The following PERM1 variants were observed in gnomAD, a reference collection of about 807,000 sequenced individuals.
PERM1 encodes the protein PGC-1 and ERR-induced regulator in muscle protein 1.
Under a neutral mutation model 44.1 loss-of-function variants are expected in PERM1, and 45 were observed. The observed-to-expected ratio is 1.02, with a 90% CI of 0.80 to 1.31. The LOEUF (loss-of-function observed/expected upper bound fraction) is 1.31. PERM1 is among the 50% of genes most tolerant of loss of function. The pLI is 0.00. For synonymous variants in PERM1, 565 were observed against 477.1 expected, an observed-to-expected ratio of 1.18 and a Z score of -2.40; for missense variants, 1,189 against 1,106.9, an observed-to-expected ratio of 1.07 and a Z score of -1.05.
exon 1 of PERM1, chr1:980,532 G>A (rs948034309): frequency 4.1e-6 from 6 of 1,471,620 alleles, no homozygotes; most frequent in Non-Finnish European, 5.4e-6. Flanking sequence ...GGGGCCTCTG[G>A]GAGCCAGTGC....
intron 1 of PERM1, among the ~76,000 whole-genome samples, chr1:978,432 C>G (rs912459036): frequency 6.6e-6 from 1 of 152,204 alleles, no homozygotes; most frequent in Non-Finnish European, 1.5e-5. Context: ...TCACATCGCC[C>G]CCGTGCTTCT....
exon 3 of PERM1, chr1:976,253 G>T (rs1160505064): frequency 3.9e-6 from 6 of 1,526,250 alleles, no homozygotes; most frequent in Non-Finnish European, 4.4e-6. Context: ...AGATGGTGCC[G>T]ACGTTGGCCA....
exon 3 of PERM1, chr1:975,829 TAAAC>T (rs1456782914): frequency 1.5e-5 from 4 of 266,480 alleles, no homozygotes; most frequent in Admixed American, 5.0e-5. Context: ...TGATTTCAGA[TAAAC>T]AACAACTTCT....
chr1:980,819 G>T lies in PERM1; in HGVS notation c.211C>A (p.Arg71=), dbSNP rs1015173091. Residue 71 remains arginine (R), a synonymous_variant, in exon 1 of 3, where the codon CGG becomes AGG. Transcript: ENST00000433179. ...ACGTCCTCCTCCTCGCAGCCCCGCCGGCTCCGCCCTCCTGCAGCTAGCTGC... is the reference window on the plus strand; with the variant it reads ...ACGTCCTCCTCCTCGCAGCCCCGCCTGCTCCGCCCTCCTGCAGCTAGCTGC... 4.3e-6 allele frequency: 6 copies of T among 1,397,734 alleles called. No homozygotes were observed. In the East Asian group the frequency reaches 1.4e-4, roughly 32 times the overall value. The allele number at this position is 1,397,734 out of a possible 1,614,324, so 86.6% of individuals were successfully genotyped here.
In PERM1 at chr1:976,608, AG is replaced by A. The variant is rs1643617991; in HGVS notation, c.2165del (p.Pro722LeufsTer17). ...TCTGGCTGAAGGCAAATGATGGGAC[AG>A]GCCCCCGGAGCTCCCCTAGGACAGA... On this transcript the variant is annotated frameshift_variant, in exon 2 of 3. Coordinates refer to ENST00000433179, the Ensembl canonical transcript of PERM1. LOFTEE classifies it high-confidence loss of function. The A allele has an allele frequency of 1.9e-6, 3 of 1,549,350 alleles. No individual in the cohort carries two copies. The highest frequency in any genetic ancestry group is 2.6e-6 in the Non-Finnish European group (3 of 1,146,286).
chr1:981,481 C>T (rs533351754), upstream of PERM1, among the ~76,000 whole-genome samples: 1 of 152,362 alleles, frequency 6.6e-6, no homozygotes, highest in African/African-American at 2.4e-5. Flanking sequence ...TCAGGGTCCA[C>T]CCGATGGGAC....
At chr1:979,929 C>G (rs1420772297) in exon 1 of PERM1, 2 of 1,550,124 alleles carry the variant, frequency 1.3e-6, no homozygotes, top group Admixed American at 3.9e-5. Context: ...TGTCAGATTG[C>G]GGCTTGGAGG....
rs939469951 is a variant in PERM1 at position 976,245 on chromosome 1, A to G, written c.2300T>C (p.Ile767Thr). The G allele has an allele frequency of 1.8e-5, 27 of 1,533,930 alleles. No homozygotes were observed. In the African/African-American group the frequency reaches 3.6e-4, roughly 20 times the overall value. The stretch of plus-strand genomic sequence containing the variant: ...CCGGCGGAAGTAGCGGATGGCAGAG[A>G]TGGTGCCGACGTTGGCCAGCAAGGC... The change falls in exon 3 of 3, where the codon ATC becomes ACC. Residue 767 changes from isoleucine (I) to threonine (T), a missense_variant. Coordinates refer to ENST00000433179, the Ensembl canonical transcript of PERM1.
upstream of PERM1, among the ~76,000 whole-genome samples, chr1:981,396 CCATCA>C (rs1346092184): frequency 6.6e-6 from 1 of 152,220 alleles, no homozygotes; most frequent in East Asian, 1.9e-4. Flanking sequence ...ATGCTCTTTC[CCATCA>C]CACCTCAGCT....
chr1:979,888 T>G, exon 1 of PERM1: 1 of 1,550,178 alleles, frequency 6.5e-7, no homozygotes. Context: ...CACACTGGAC[T>G]GAGGCTCAGA....
At chr1:981,899 G>T, upstream of PERM1, 1 of 276,906 alleles carries the variant, frequency 3.6e-6, no homozygotes, top group Non-Finnish European at 5.5e-6. Context: ...TGGACCCAGG[G>T]GTGGGAAGTC....
chr1:975,209 G>C (rs1443805892), exon 3 of PERM1: 1 of 152,580 alleles, frequency 6.6e-6, no homozygotes, highest in Non-Finnish European at 1.5e-5. Context: ...AAAAAGAAAA[G>C]ATAGAATTTT....
Position 980,711 on chromosome 1 carries a change from C to T in PERM1, c.319G>A (p.Ala107Thr), listed in dbSNP as rs1263369105. The change falls in exon 1 of 3, where the codon GCA becomes ACA. Residue 107 changes from alanine (A) to threonine (T), a missense_variant. Physicochemically the swap from Ala to Thr is moderately conservative, Grantham distance 58. Coordinates refer to ENST00000433179, the Ensembl canonical transcript of PERM1. Reference sequence around the variant, plus strand: ...AGGGACGGTGGAGCTTCTGCCCGTGCGGACGTGCTGGGTGTCTGCTGACCG... The same window carrying T: ...AGGGACGGTGGAGCTTCTGCCCGTGTGGACGTGCTGGGTGTCTGCTGACCG... 3.5e-5 allele frequency: 50 copies of T among 1,419,736 alleles called. No individual in the cohort carries two copies. In the East Asian group the frequency reaches 4.6e-4, roughly 13 times the overall value. The allele number at this position is 1,419,736 out of a possible 1,614,324, so 87.9% of individuals were successfully genotyped here.
chr1:981,063 A>AT, upstream of PERM1: 1 of 1,543,958 alleles, frequency 6.5e-7, no homozygotes. Flanking sequence ...GGGTAGCAGA[A>AT]TGGGTCCGGT....
chr1:980,732 G>A lies in PERM1; in HGVS notation c.298C>T (p.Gln100Ter), dbSNP rs1643774589. ...CGTGCGGACGTGCTGGGTGTCTGCT[G>A]ACCGGTCCCCAGGGCCAAGACAGGC... The change falls in exon 1 of 3, where the codon CAG becomes TAG. Residue 100 changes from glutamine (Q) to a stop codon, truncating the protein, a stop_gained. Transcript: ENST00000433179. LOFTEE classifies it high-confidence loss of function. The A allele has an allele frequency of 1.4e-6, 2 of 1,413,840 alleles. No individual in the cohort carries two copies. The highest frequency in any genetic ancestry group is 1.8e-6 in the Non-Finnish European group (2 of 1,091,044). 87.6% of individuals were successfully genotyped at this position (1,413,840 alleles called of 1,614,324 possible).
exon 1 of PERM1, chr1:978,997 A>T: frequency 6.5e-7 from 1 of 1,529,232 alleles, no homozygotes; most frequent in Non-Finnish European, 8.8e-7. Flanking sequence ...TGGGAGCGGG[A>T]CAGCCGGCCC....
At chr1:980,396 C>T in exon 1 of PERM1, 1 of 1,549,962 alleles carries the variant, frequency 6.5e-7, no homozygotes, top group Non-Finnish European at 8.7e-7. Flanking sequence ...TCAGGACTGG[C>T]CGCAGGGAGC....
exon 1 of PERM1, chr1:980,181 A>T (rs1413813042): frequency 9.0e-6 from 14 of 1,550,290 alleles, no homozygotes; most frequent in Non-Finnish European, 8.7e-7. Context: ...CTTCCCAGAC[A>T]GTCGTGGACA....
Position 980,519 on chromosome 1 carries a change from CG to C in PERM1, c.510del (p.Asp171IlefsTer49), listed in dbSNP as rs1557660688. On this transcript the variant is annotated frameshift_variant, in exon 1 of 3. Transcript: ENST00000433179. LOFTEE classifies it high-confidence loss of function. ...CTCCGTGGTGGGGCTCCAGGGCTAT[CG>C]GGGGGCCTCTGGGAGCCAGTGCTGT... 2.7e-6 allele frequency: 4 copies of C among 1,475,938 alleles called. No homozygotes were observed. In the East Asian group the frequency reaches 7.4e-5, roughly 27 times the overall value. 91.4% of individuals were successfully genotyped at this position (1,475,938 alleles called of 1,614,324 possible).
Sources: allele counts gnomAD v4.1 joint callset (sites outside exome capture counted in the v4.1 genomes callset), GRCh38; gene constraint gnomAD v4.1.1; transcripts MANE v1.5; gene names NCBI Gene and HGNC (gene_info 2026-07-23, HGNC 2026-07-21).